The following CTNNA3 variants were observed in gnomAD, a reference collection of about 807,000 sequenced individuals.
CTNNA3 encodes the protein catenin alpha-3.
In CTNNA3, 76 loss-of-function variants were observed where a neutral mutation model predicts 95.7. The observed-to-expected ratio is 0.79, with a 90% confidence interval of 0.66 to 0.96. The LOEUF is 0.96. Among genes scored for constraint, CTNNA3 ranks in the 40% least tolerant of loss-of-function variants. The pLI is 0.00. For synonymous variants in CTNNA3, 431 were observed against 374.4 expected (o/e 1.15, Z -1.74); for missense variants, 1,191 against 1,089.8 (o/e 1.09, Z -1.31).
At chr10:67,361,076 T>G (rs1266865918) in intron 5 of CTNNA3, among the ~76,000 whole-genome samples, 1 of 150,506 alleles carries the variant, frequency 6.6e-6, no homozygotes, top group Non-Finnish European at 1.5e-5. Flanking sequence ...ACAAGAAGAC[T>G]TAACTATCTA....
chr10:67,558,049 A>G (rs1418616018), intron 3 of CTNNA3, among the ~76,000 whole-genome samples: 1 of 152,202 alleles, frequency 6.6e-6, no homozygotes, highest in African/African-American at 2.4e-5. Context: ...TCCCAAATGC[A>G]AGAAGAGTCT....
At chr10:67,543,969 A>G (rs1840761834) in intron 3 of CTNNA3, among the ~76,000 whole-genome samples, 1 of 152,174 alleles carries the variant, frequency 6.6e-6, no homozygotes, top group African/African-American at 2.4e-5. Context: ...ACTCCCCTTT[A>G]AAATGTTCAA....
chr10:67,187,460 T>C (rs539855402), intron 6 of CTNNA3, among the ~76,000 whole-genome samples: 4 of 152,244 alleles, frequency 2.6e-5, no homozygotes, highest in East Asian at 3.9e-4. Flanking sequence ...TCTCATTATG[T>C]TTTTCCACTC....
intron 1 of CTNNA3, among the ~76,000 whole-genome samples, chr10:67,758,164 G>T (rs1113976): frequency 6.6e-6 from 1 of 151,760 alleles, no homozygotes; most frequent in African/African-American, 2.4e-5. Context: ...TTTCAGACCC[G>T]AACTGAACTA....
At chr10:67,199,514 C>A (rs144145431) in intron 6 of CTNNA3, among the ~76,000 whole-genome samples, 1 of 152,056 alleles carries the variant, frequency 6.6e-6, no homozygotes, top group African/African-American at 2.4e-5. Flanking sequence ...GGACTACAGG[C>A]GCATGCCACC....
At chr10:66,126,943 A>AT (rs1456003931) in intron 13 of CTNNA3, among the ~76,000 whole-genome samples, 4 of 152,140 alleles carry the variant, frequency 2.6e-5, no homozygotes, top group Non-Finnish European at 5.9e-5. Flanking sequence ...TGTGGGCTAC[A>AT]TAGTGACTTC....
chr10:66,145,843 T>C (rs996169969), intron 13 of CTNNA3, among the ~76,000 whole-genome samples: 1 of 152,156 alleles, frequency 6.6e-6, no homozygotes, highest in African/African-American at 2.4e-5. Context: ...CTGCACTCAC[T>C]CACTAAGTGG....
At chr10:66,630,071 C>A (rs1199464765) in intron 9 of CTNNA3, among the ~76,000 whole-genome samples, 1 of 152,092 alleles carries the variant, frequency 6.6e-6, no homozygotes, top group Non-Finnish European at 1.5e-5. Flanking sequence ...AAAGCAGGGA[C>A]CACCCCTGTA....
chr10:66,211,503 T>C (rs555394397), intron 13 of CTNNA3, among the ~76,000 whole-genome samples: 36 of 152,258 alleles, frequency 2.4e-4, no homozygotes, highest in African/African-American at 7.2e-4. Context: ...CTACCTGCAG[T>C]TGGGGGATGC....
At position 66,462,408 on chromosome 10, in the gene CTNNA3, AG is replaced by A. The variant is rs888842908; in HGVS notation, c.1531+58208del. On this transcript the variant is annotated intron_variant, in intron 11 of 17. Transcript: ENST00000433211. ...ATTTCAATAACCTTTTTTTATTCTT[AG>A]TGTATAAAATTGCCTGCCATTTCCC... Among the ~76,000 whole-genome samples the A allele has an allele frequency of 2.0e-5, 3 of 151,968 alleles. No homozygotes were observed. The South Asian group carries it at 6.2e-4, about 31-fold the overall frequency.
At chr10:66,134,387 A>T (rs948084305) in intron 13 of CTNNA3, among the ~76,000 whole-genome samples, 1 of 152,156 alleles carries the variant, frequency 6.6e-6, no homozygotes, top group Non-Finnish European at 1.5e-5. Flanking sequence ...TTCTATAAAA[A>T]ATCTGTATGA....
At chr10:67,185,771 C>T (rs1452805457) in intron 6 of CTNNA3, among the ~76,000 whole-genome samples, 1 of 151,994 alleles carries the variant, frequency 6.6e-6, no homozygotes, top group East Asian at 1.9e-4. Context: ...CCTGTAATCC[C>T]AGCATTTTGG....
intron 1 of CTNNA3, among the ~76,000 whole-genome samples, chr10:67,726,637 A>ATAATATATAATATATATTATATTATATG (rs1841229258): frequency 1.4e-5 from 1 of 71,728 alleles, no homozygotes; most frequent in Non-Finnish European, 2.3e-5. Flanking sequence ...TATATTATAT[A>ATAATATATAATATATATTATATTATATG]TAATATATAC....
chr10:66,931,868 T>C (rs2132643088), intron 7 of CTNNA3, among the ~76,000 whole-genome samples: 1 of 152,358 alleles, frequency 6.6e-6, no homozygotes, highest in African/African-American at 2.4e-5. Context: ...TACTCATCGA[T>C]GCTGGCTAAG....
chr10:66,449,321 A>G (rs1429144765), intron 11 of CTNNA3, among the ~76,000 whole-genome samples: 1 of 152,058 alleles, frequency 6.6e-6, no homozygotes, highest in Non-Finnish European at 1.5e-5. Flanking sequence ...GAAATCTGTA[A>G]TGTATGTAGA....
At chr10:66,132,094 A>G (rs1589500940) in intron 13 of CTNNA3, among the ~76,000 whole-genome samples, 1 of 152,366 alleles carries the variant, frequency 6.6e-6, no homozygotes, top group African/African-American at 2.4e-5. Flanking sequence ...AGAAGAAATT[A>G]TCAACAGAGT....
At chr10:67,025,055 A>G (rs1028084301) in intron 7 of CTNNA3, among the ~76,000 whole-genome samples, 1 of 149,986 alleles carries the variant, frequency 6.7e-6, no homozygotes, top group Non-Finnish European at 1.5e-5. Context: ...ACTTGAACCC[A>G]GGAGCGGAGG....
intron 5 of CTNNA3, among the ~76,000 whole-genome samples, chr10:67,273,612 A>G (rs1485733109): frequency 6.6e-6 from 1 of 152,200 alleles, no homozygotes; most frequent in African/African-American, 2.4e-5. Context: ...TTCCACAGAA[A>G]GCCTTGTGCA....
At chr10:67,708,013 A>T (rs990776143) in intron 1 of CTNNA3, among the ~76,000 whole-genome samples, 1 of 152,148 alleles carries the variant, frequency 6.6e-6, no homozygotes, top group Non-Finnish European at 1.5e-5. Flanking sequence ...CAAATATCAC[A>T]TTTAGATGTC....
Sources: allele counts gnomAD v4.1 joint callset (sites outside exome capture counted in the v4.1 genomes callset), GRCh38; gene constraint gnomAD v4.1.1; transcripts MANE v1.5; gene names NCBI Gene and HGNC (gene_info 2026-07-23, HGNC 2026-07-21).